The following MINK1 variants were observed in gnomAD, a reference collection of about 807,000 sequenced individuals.
The protein encoded by MINK1 is misshapen-like kinase 1.
A neutral mutation model predicts 178.4 loss-of-function variants in MINK1; 46 were observed. That is an observed-to-expected ratio of 0.26 (90% CI 0.20 to 0.33). MINK1 has a LOEUF of 0.33. MINK1 is among the 10% of genes least tolerant of loss of function. MINK1 has a pLI of 1.00. For synonymous variants in MINK1, 797 were observed against 709.7 expected (o/e 1.12, Z -1.96); for missense variants, 1,366 against 1,814.9 (o/e 0.75, Z 4.49).
rs770212668 is a variant in MINK1, at chr17:4,896,518, C to T, written c.3705C>T (p.Val1235=). Reference sequence around the variant, plus strand: ...TGCTGTGCTACGAGGACGAGGGTGTCTACGTCAACACGTACGGGCGCATCA... The same window carrying T: ...TGCTGTGCTACGAGGACGAGGGTGTTTACGTCAACACGTACGGGCGCATCA... The part of the protein sequence containing the change: ...EMLLCYEDEG[V]YVNTYGRIIK... Residue 1235 remains valine, a synonymous_variant, in exon 30 of 32, where the codon GTC becomes GTT. Coordinates refer to ENST00000355280, the MANE Select transcript of MINK1 (RefSeq NM_153827.5). The surrounding 1 kb of genome is among the most constrained non-coding windows in gnomAD (Gnocchi z 4.6). The T allele has an allele frequency of 2.3e-5, 37 of 1,613,850 alleles. No homozygotes were observed. The Admixed American group carries it at 6.0e-4, about 26-fold the overall frequency.
chr17:4,861,257 C>T lies in MINK1; in HGVS notation c.58-17060C>T, dbSNP rs138960421. On this transcript the variant is annotated intron_variant, in intron 1 of 31. Transcript: ENST00000355280. ...TGTGGCCAGTGCCTTGCATTGTATG[C>T]GGAGCTGCGAGAGACGAGACATCTA... Among the ~76,000 whole-genome samples the T allele has an allele frequency of 3.6e-3, 542 of 152,290 alleles. 1 individual carries two copies. Among genetic ancestry groups the T allele is most frequent in the Admixed American group, 6.3e-3 (96 of 15,284 alleles).
At chr17:4,881,403 A>G in intron 4 of MINK1, 146 bp downstream of exon 4, 2 of 893,324 alleles carry the variant, frequency 2.2e-6, no homozygotes, top group East Asian at 5.3e-5. Context: ...CTGGACCCAG[A>G]GGGGCCTCCT....
chr17:4,859,319 C>CA, intron 1 of MINK1: 1 of 985,072 alleles, frequency 1.0e-6, no homozygotes, highest in South Asian at 4.7e-5. Flanking sequence ...ACTCATCGGT[C>CA]AGCAGAAAAG....
At chr17:4,875,896 A>G (rs1419463597) in intron 1 of MINK1, among the ~76,000 whole-genome samples, 1 of 150,600 alleles carries the variant, frequency 6.6e-6, no homozygotes, top group East Asian at 2.0e-4. Flanking sequence ...CCTGGGTTCA[A>G]GTAATTCTCC....
chr17:4,884,489 C>T lies in MINK1; in HGVS notation c.417+16C>T. The T allele has an allele frequency of 1.9e-6, 3 of 1,572,168 alleles. No homozygotes were observed. Among genetic ancestry groups the T allele is most frequent in the African/African-American group, 1.3e-5 (1 of 74,248 alleles). ...GATCCTCAGGGTGAGCTCAAGGCCC[C>T]TCCCCTTGTCTTCTCCTCCGCTACC... is the stretch of plus-strand genomic sequence containing the variant. On this transcript the variant is annotated intron_variant, in intron 5 of 31. Coordinates refer to ENST00000355280, the MANE Select transcript of MINK1 (RefSeq NM_153827.5).
Position 4,894,130 on chromosome 17 carries a change from G to A in MINK1, c.2670+37G>A. The A allele has an allele frequency of 6.2e-7, 1 of 1,609,952 alleles. No homozygotes were observed. Among genetic ancestry groups the A allele is most frequent in the Admixed American group, 1.7e-5 (1 of 59,722 alleles). The stretch of plus-strand genomic sequence containing the variant: ...TCTGCTCCCTCCCCTGTACCTGTGT[G>A]TGCCCTCCTCAGCCCCACGCCAACC... On this transcript the variant is annotated intron_variant, in intron 22 of 31. Transcript: ENST00000355280. The surrounding 1 kb of genome is among the most constrained non-coding windows in gnomAD (Gnocchi z 4.1).
At chr17:4,870,084 T>A (rs1425543820) in intron 1 of MINK1, among the ~76,000 whole-genome samples, 2 of 151,852 alleles carry the variant, frequency 1.3e-5, no homozygotes, top group Non-Finnish European at 2.9e-5. Context: ...ACTTTTTTTT[T>A]TTATTTTGTA....
intron 1 of MINK1, among the ~76,000 whole-genome samples, chr17:4,848,737 T>C (rs1303614958): frequency 3.9e-5 from 6 of 152,200 alleles, no homozygotes; most frequent in Admixed American, 6.5e-5. Context: ...CCTCAGGTGA[T>C]CCGTCTGCCT....
intron 1 of MINK1, among the ~76,000 whole-genome samples, chr17:4,873,723 A>G (rs183286935): frequency 1.2e-3 from 181 of 148,414 alleles, no homozygotes; most frequent in Non-Finnish European, 1.5e-3. Flanking sequence ...AGTTCAAGCG[A>G]TTCTCCTGCC....
At position 4,897,302 on chromosome 17, in the gene MINK1, G is replaced by A. The variant is rs774707848; in HGVS notation, c.*15G>A. The A allele has an allele frequency of 6.2e-7, 1 of 1,612,182 alleles. No homozygotes were observed. The highest frequency in any genetic ancestry group is 1.3e-5 in the African/African-American group (1 of 74,856). The stretch of plus-strand genomic sequence containing the variant: ...TGAACTGGTGACGGGGCCCTGGGCT[G>A]GGGCTGTCCCACACTGGACCCAGCT... On this transcript the variant is annotated 3_prime_UTR_variant, in exon 32 of 32. Transcript: ENST00000355280.
chr17:4,856,277 G>A (rs748718314), intron 1 of MINK1, among the ~76,000 whole-genome samples: 3 of 152,150 alleles, frequency 2.0e-5, no homozygotes, highest in Non-Finnish European at 4.4e-5. Flanking sequence ...AGAAAGGCAA[G>A]CATCTCGCGC....
At chr17:4,897,045 C>A in intron 31 of MINK1, 159 bp from the exon 32 acceptor site, 1 of 861,366 alleles carries the variant, frequency 1.2e-6, no homozygotes, top group African/African-American at 1.7e-5. Context: ...AACATCCCAG[C>A]CTGCCTTTCC....
chr17:4,850,175 C>A (rs1022397855), intron 1 of MINK1, among the ~76,000 whole-genome samples: 36 of 152,088 alleles, frequency 2.4e-4, no homozygotes, highest in African/African-American at 7.5e-4. Context: ...TGTTCAACGC[C>A]ACGTTGTAGT....
At chr17:4,834,775 C>T (rs546848621) in intron 1 of MINK1, 1 of 519,962 alleles carries the variant, frequency 1.9e-6, no homozygotes. Flanking sequence ...CTTCCCATCT[C>T]TAGGTTCGCT....
chr17:4,864,395 G>A (rs1242294629), intron 1 of MINK1, among the ~76,000 whole-genome samples: 1 of 148,144 alleles, frequency 6.8e-6, no homozygotes, highest in Non-Finnish European at 1.5e-5. Context: ...GCAAAACTCT[G>A]TCTCAAAAAG....
chr17:4,840,727 C>T (rs1910088324), intron 1 of MINK1, among the ~76,000 whole-genome samples: 3 of 152,130 alleles, frequency 2.0e-5, no homozygotes, highest in African/African-American at 7.2e-5. Context: ...TCTCCATTTA[C>T]ATTGTATACA....
intron 1 of MINK1, among the ~76,000 whole-genome samples, chr17:4,863,544 A>G (rs1160686903): frequency 6.6e-6 from 1 of 152,128 alleles, no homozygotes; most frequent in Non-Finnish European, 1.5e-5. Context: ...TCCTTTAGGC[A>G]ACAGGAGCTA....
At chr17:4,876,770 A>C (rs7212986) in intron 1 of MINK1, among the ~76,000 whole-genome samples, 1 of 152,148 alleles carries the variant, frequency 6.6e-6, no homozygotes, top group African/African-American at 2.4e-5. Flanking sequence ...GGGCCCACCC[A>C]GTGAAACACC....
At chr17:4,878,249 A>ACC in intron 1 of MINK1, 68 bp from the exon 2 acceptor site, 1 of 1,402,658 alleles carries the variant, frequency 7.1e-7, no homozygotes, top group Non-Finnish European at 9.7e-7. Flanking sequence ...ATACCACTTT[A>ACC]CCCCCCTCTA....
Sources: gnomAD v4.1 joint callset for allele counts (sites outside exome capture counted in the v4.1 genomes callset) on GRCh38, gnomAD v4.1.1 for gene constraint, Gnocchi (gnomAD v3.1) non-coding constraint, MANE v1.5 for transcripts, NCBI Gene and HGNC (gene_info 2026-07-23, HGNC 2026-07-21) for gene names.